CCDC102B: variants seen among roughly 807,000 people sequenced by gnomAD.
CCDC102B encodes coiled-coil domain-containing protein 102B.
A neutral mutation model predicts 57.4 loss-of-function variants in CCDC102B; 75 were observed. The ratio of observed to expected loss-of-function variants is 1.31; its 90% CI spans 1.08 to 1.58. The LOEUF (loss-of-function observed/expected upper bound fraction) is 1.58. CCDC102B is among the 40% of genes most tolerant of loss of function. The pLI, the probability that CCDC102B is intolerant of heterozygous loss-of-function variation, is 0.00. For synonymous variants in CCDC102B, 206 were observed against 201.9 expected, an observed-to-expected ratio of 1.02 and a Z score of -0.17; for missense variants, 636 against 582.6, an observed-to-expected ratio of 1.09 and a Z score of -0.94.
chr18:68,735,703 C>T (rs527772864), intron 2 of CCDC102B, among the ~76,000 whole-genome samples: 14 of 152,288 alleles, frequency 9.2e-5, no homozygotes, highest in African/African-American at 3.4e-4. Flanking sequence ...CAGGTGTCCT[C>T]ATCACACTGC....
intron 6 of CCDC102B, among the ~76,000 whole-genome samples, chr18:68,940,720 G>A (rs1347573945): frequency 6.6e-6 from 1 of 151,732 alleles, no homozygotes; most frequent in African/African-American, 2.4e-5. Flanking sequence ...TATTTATAAT[G>A]GCTATATATA....
intron 6 of CCDC102B, among the ~76,000 whole-genome samples, chr18:68,919,619 C>T (rs1022947423): frequency 2.0e-5 from 3 of 152,096 alleles, no homozygotes; most frequent in Admixed American, 1.3e-4. Context: ...TTCTTCTAGC[C>T]ATACACAGTA....
At chr18:68,997,765 C>T (rs918928703) in intron 6 of CCDC102B, among the ~76,000 whole-genome samples, 1 of 151,296 alleles carries the variant, frequency 6.6e-6, no homozygotes, top group Non-Finnish European at 1.5e-5. Flanking sequence ...TACTTTTTAC[C>T]CCAAATCTGT....
chr18:68,826,032 T>C (rs2036891484), intron 1 of CCDC102B, among the ~76,000 whole-genome samples: 1 of 152,270 alleles, frequency 6.6e-6, no homozygotes. Flanking sequence ...TCGTTTGTTT[T>C]TATTTTCCAA....
chr18:68,801,135 G>A (rs1008343023), intron 1 of CCDC102B, among the ~76,000 whole-genome samples: 3 of 151,984 alleles, frequency 2.0e-5, no homozygotes, highest in South Asian at 2.1e-4. Context: ...TGCCGTACAC[G>A]AAAACAGATG....
Position 68,980,711 on chromosome 18 carries a change from G to C in CCDC102B, c.1264-30223G>C, listed in dbSNP as rs527310399. Among the ~76,000 whole-genome samples, 5 of 152,078 alleles carry C rather than the reference G, an allele frequency of 3.3e-5. No individual in the cohort carries two copies. The South Asian group carries it at 1.0e-3, about 32-fold the overall frequency. On this transcript the variant is annotated intron_variant, in intron 6 of 7. Coordinates refer to ENST00000360242, the MANE Select transcript of CCDC102B (RefSeq NM_024781.3). ...GGGGTGGAGGGAAGGGCTACCCAAG[G>C]CCCAAAAGGCAGAACAGTCCCAGAA...
chr18:68,856,608 T>C (rs1336168662), intron 4 of CCDC102B, among the ~76,000 whole-genome samples: 2 of 152,168 alleles, frequency 1.3e-5, no homozygotes, highest in South Asian at 2.1e-4. Context: ...CCCACTAACA[T>C]TCATATCCTA....
intron 2 of CCDC102B, among the ~76,000 whole-genome samples, chr18:68,730,993 A>T (rs1277271539): frequency 6.6e-6 from 1 of 152,000 alleles, no homozygotes; most frequent in Non-Finnish European, 1.5e-5. Context: ...AATTTTATTT[A>T]TTTATTTTTC....
chr18:68,850,454 C>G (rs1271749787), intron 4 of CCDC102B, among the ~76,000 whole-genome samples: 1 of 151,856 alleles, frequency 6.6e-6, no homozygotes, highest in Non-Finnish European at 1.5e-5. Context: ...ATATATATTT[C>G]CCAAAGAAAT....
chr18:69,031,863 C>T (rs1299254614), intron 7 of CCDC102B, among the ~76,000 whole-genome samples: 1 of 152,062 alleles, frequency 6.6e-6, no homozygotes, highest in African/African-American at 2.4e-5. Context: ...TTATAATAAG[C>T]AAAATCAAGT....
At chr18:68,969,290 C>G (rs1372908088) in intron 6 of CCDC102B, among the ~76,000 whole-genome samples, 1 of 152,156 alleles carries the variant, frequency 6.6e-6, no homozygotes, top group Non-Finnish European at 1.5e-5. Flanking sequence ...GCTGCCAGGG[C>G]TCCCGCTAGG....
intron 1 of CCDC102B, among the ~76,000 whole-genome samples, chr18:68,799,408 C>T (rs2035763516): frequency 6.6e-6 from 1 of 152,090 alleles, no homozygotes; most frequent in South Asian, 2.1e-4. Flanking sequence ...ATTGCTTGAT[C>T]ACTGGGACAT....
At chr18:68,822,337 T>G (rs144912189) in intron 1 of CCDC102B, among the ~76,000 whole-genome samples, 16,082 of 151,558 alleles carry the variant, frequency 0.11, 1,041 homozygotes, top group East Asian at 0.31. Context: ...TAGGTTGCAG[T>G]GAGCTGAGAT....
At chr18:68,919,248 G>T (rs1013591778) in intron 6 of CCDC102B, among the ~76,000 whole-genome samples, 1 of 152,072 alleles carries the variant, frequency 6.6e-6, no homozygotes, top group Non-Finnish European at 1.5e-5. Context: ...CACTGTATGT[G>T]CATGAGTATA....
chr18:68,995,840 G>A (rs1009315974), intron 6 of CCDC102B, among the ~76,000 whole-genome samples: 2 of 152,134 alleles, frequency 1.3e-5, no homozygotes, highest in Non-Finnish European at 2.9e-5. Flanking sequence ...TCCACTGACA[G>A]CTTGAACCGT....
intron 6 of CCDC102B, among the ~76,000 whole-genome samples, chr18:68,927,265 A>G (rs923464006): frequency 6.6e-6 from 1 of 152,028 alleles, no homozygotes; most frequent in African/African-American, 2.4e-5. Flanking sequence ...AAAATTGAAT[A>G]AGATCATGCA....
At chr18:68,920,330 C>T (rs2041233668) in intron 6 of CCDC102B, among the ~76,000 whole-genome samples, 1 of 152,090 alleles carries the variant, frequency 6.6e-6, no homozygotes, top group Non-Finnish European at 1.5e-5. Context: ...GACCCATAGG[C>T]CAATGGAACA....
intron 6 of CCDC102B, among the ~76,000 whole-genome samples, chr18:68,988,939 T>C (rs999496352): frequency 1.3e-5 from 2 of 152,238 alleles, no homozygotes; most frequent in South Asian, 2.1e-4. Flanking sequence ...CCTTTGTTAA[T>C]TCTTCATCGA....
chr18:68,994,926 T>C (rs930975191), intron 6 of CCDC102B, among the ~76,000 whole-genome samples: 4 of 151,934 alleles, frequency 2.6e-5, no homozygotes, highest in African/African-American at 9.7e-5. Flanking sequence ...GTTGGAACAG[T>C]TTGGAGGGCT....
Sources: allele counts gnomAD v4.1 joint callset (sites outside exome capture counted in the v4.1 genomes callset), GRCh38; gene constraint gnomAD v4.1.1; transcripts MANE v1.5; gene names NCBI Gene and HGNC (gene_info 2026-07-23, HGNC 2026-07-21).